LRP1B: variants seen among roughly 807,000 people sequenced by gnomAD.
LRP1B encodes the protein low-density lipoprotein receptor-related protein 1B.
In LRP1B, 217 loss-of-function variants were observed where a neutral mutation model predicts 556.6. The ratio of observed to expected loss-of-function variants is 0.39; its 90% CI spans 0.35 to 0.44. LRP1B has a LOEUF of 0.44. Among genes scored for constraint, LRP1B ranks in the 20% least tolerant of loss-of-function variants. The pLI is 1.00. For missense variants in LRP1B, 5,053 were observed against 5,620.8 expected (o/e 0.90, Z 3.23); for synonymous variants, 2,047 against 1,865.8 (o/e 1.10, Z -2.50).
chr2:140,459,902 A>G, intron 60 of LRP1B, among the ~76,000 whole-genome samples: 1 of 152,042 alleles, frequency 6.6e-6, no homozygotes, highest in East Asian at 1.9e-4. Context: ...ATGTGAAGAC[A>G]TGTTTGCTTC....
At chr2:141,414,208 G>A (rs888209928) in intron 3 of LRP1B, among the ~76,000 whole-genome samples, 1 of 144,078 alleles carries the variant, frequency 6.9e-6, no homozygotes, top group African/African-American at 2.6e-5. Context: ...CTGCACTCCA[G>A]CCTGGGCGAC....
chr2:142,093,503 A>G (rs555337813), intron 1 of LRP1B, among the ~76,000 whole-genome samples: 2 of 152,262 alleles, frequency 1.3e-5, no homozygotes, highest in South Asian at 4.1e-4. Context: ...GGCAAGATAA[A>G]ATACAGTAGT....
intron 25 of LRP1B, among the ~76,000 whole-genome samples, chr2:140,877,091 T>C (rs1693332527): frequency 1.3e-5 from 2 of 152,256 alleles, no homozygotes; most frequent in South Asian, 4.2e-4. Context: ...TTTTTTCTAA[T>C]TTGGAGTCAT....
At chr2:140,748,398 ATATATTATATTC>A (rs1688417628) in intron 35 of LRP1B, among the ~76,000 whole-genome samples, 1 of 108,468 alleles carries the variant, frequency 9.2e-6, no homozygotes, top group African/African-American at 3.5e-5. Flanking sequence ...TATTATATTC[ATATATTATATTC>A]ATATATAATA....
chr2:140,620,302 C>T lies in LRP1B; in HGVS notation c.6800-18663G>A, dbSNP rs138424301. ...AAGAGAGATGAACATGGAATGGAGGCTGTAAAGTTCAATGAGATTAAGTTG... is the reference window on the plus strand; with the variant it reads ...AAGAGAGATGAACATGGAATGGAGGTTGTAAAGTTCAATGAGATTAAGTTG... On this transcript the variant is annotated intron_variant, in intron 41 of 90. Transcript: ENST00000389484. Among the ~76,000 whole-genome samples, 718 of 152,246 alleles carry T rather than the reference C, an allele frequency of 4.7e-3. 5 individuals carry two copies. The highest frequency in any genetic ancestry group is 0.016 in the African/African-American group (673 of 41,552).
intron 3 of LRP1B, among the ~76,000 whole-genome samples, chr2:141,283,162 T>C (rs929286828): frequency 2.0e-4 from 31 of 152,100 alleles, no homozygotes; most frequent in Non-Finnish European, 3.5e-4. Flanking sequence ...GTAATTACAA[T>C]ATAAAATGGC....
chr2:140,286,123 GA>G (rs1458499550), intron 84 of LRP1B, among the ~76,000 whole-genome samples: 1 of 151,878 alleles, frequency 6.6e-6, no homozygotes, highest in Non-Finnish European at 1.5e-5. Context: ...GCACACAGTA[GA>G]TGCTCTACTA....
intron 1 of LRP1B, among the ~76,000 whole-genome samples, chr2:142,050,101 T>A (rs1704401460): frequency 6.6e-6 from 1 of 152,174 alleles, no homozygotes; most frequent in African/African-American, 2.4e-5. Context: ...CAATGTCCTG[T>A]TAATTTTTTC....
At chr2:141,498,910 G>A (rs1683613149) in intron 2 of LRP1B, among the ~76,000 whole-genome samples, 1 of 151,934 alleles carries the variant, frequency 6.6e-6, no homozygotes, top group African/African-American at 2.4e-5. Flanking sequence ...GCTTAGATAG[G>A]CAAATAACGA....
At chr2:141,162,132 C>T (rs1190320467) in intron 7 of LRP1B, among the ~76,000 whole-genome samples, 1 of 152,048 alleles carries the variant, frequency 6.6e-6, no homozygotes, top group Non-Finnish European at 1.5e-5. Flanking sequence ...CCCAGGTTGC[C>T]ACTGGTCCAG....
rs1284066120 is a variant in LRP1B, at chr2:141,188,487, A to G, written c.947T>C (p.Val316Ala). 1.9e-6 allele frequency: 3 copies of G among 1,612,752 alleles called. No homozygotes were observed. Among genetic ancestry groups the G allele is most frequent in the Middle Eastern group, 3.3e-4 (2 of 6,050 alleles). ...RIFVCNSNGSVCVTLIDLELH... is the reference protein window; with the variant it reads ...RIFVCNSNGSACVTLIDLELH... ...CTCCAGATCAATCAGGGTGACACAT[A>G]CAGAACCGTTGGAATTACAAACAAA... is the stretch of plus-strand genomic sequence containing the variant. The change falls in exon 7 of 91, where the codon GTA becomes GCA. Residue 316 changes from valine (V) to alanine (A), a missense_variant. Transcript: ENST00000389484.
chr2:140,356,300 C>T (rs377281592), intron 75 of LRP1B, 42 bp downstream of exon 75: 3 of 1,598,550 alleles, frequency 1.9e-6, no homozygotes, highest in Non-Finnish European at 2.6e-6. Context: ...ATCTTCATAA[C>T]CCAAAGATTT....
At chr2:140,405,662 A>G (rs1684699824) in intron 66 of LRP1B, among the ~76,000 whole-genome samples, 1 of 152,152 alleles carries the variant, frequency 6.6e-6, no homozygotes, top group East Asian at 1.9e-4. Context: ...AGAAATAGAA[A>G]CCCTGAACAG....
intron 1 of LRP1B, among the ~76,000 whole-genome samples, chr2:141,965,964 C>G (rs1191318803): frequency 7.3e-5 from 11 of 151,668 alleles, no homozygotes; most frequent in Admixed American, 7.2e-4. Flanking sequence ...AATATATTGT[C>G]TCATCACTGA....
chr2:140,285,328 TAC>T (rs1558771326), intron 84 of LRP1B, among the ~76,000 whole-genome samples: 1 of 38,306 alleles, frequency 2.6e-5, no homozygotes, highest in Non-Finnish European at 1.5e-4. Context: ...CACACACATA[TAC>T]ACATACATAT....
intron 3 of LRP1B, among the ~76,000 whole-genome samples, chr2:141,466,777 T>C (rs908629073): frequency 7.2e-5 from 11 of 152,076 alleles, no homozygotes; most frequent in African/African-American, 2.7e-4. Context: ...ACATACGGAA[T>C]TGCCTTACCT....
chr2:141,174,485 C>T (rs1396573277), intron 7 of LRP1B, among the ~76,000 whole-genome samples: 1 of 152,062 alleles, frequency 6.6e-6, no homozygotes, highest in Non-Finnish European at 1.5e-5. Context: ...AGTAAGTTTT[C>T]ATGAGATCTG....
At chr2:140,332,325 G>A (rs988928033) in intron 79 of LRP1B, among the ~76,000 whole-genome samples, 1 of 151,460 alleles carries the variant, frequency 6.6e-6, no homozygotes, top group African/African-American at 2.4e-5. Context: ...TTTCTCTAAC[G>A]TAAATTTGTG....
At chr2:141,072,591 A>G (rs1273252820) in intron 7 of LRP1B, among the ~76,000 whole-genome samples, 2 of 151,912 alleles carry the variant, frequency 1.3e-5, no homozygotes, top group African/African-American at 4.8e-5. Context: ...CTGTCTGTTT[A>G]CTATCAGTCT....
Sources: gnomAD v4.1 joint callset for allele counts (sites outside exome capture counted in the v4.1 genomes callset) on GRCh38, gnomAD v4.1.1 for gene constraint, MANE v1.5 for transcripts, NCBI Gene and HGNC (gene_info 2026-07-23, HGNC 2026-07-21) for gene names.